FGD6: variants seen among roughly 807,000 people sequenced by gnomAD.
The protein encoded by FGD6 is FYVE, RhoGEF and PH domain-containing protein 6.
Under a neutral mutation model 149.4 loss-of-function variants are expected in FGD6, and 90 were observed. That is an observed-to-expected ratio of 0.60 (90% CI 0.51 to 0.72). FGD6 has a LOEUF of 0.72. Ranked by LOEUF, FGD6 falls within the 30% of genes least tolerant of loss-of-function variation. FGD6 has a pLI of 0.00. For missense variants in FGD6, 1,437 were observed against 1,684.8 expected (o/e 0.85, Z 2.57); for synonymous variants, 527 against 584.0 (o/e 0.90, Z 1.41).
Position 95,162,100 on chromosome 12 carries a change from CAAAA to C in FGD6, c.2587-9111_2587-9108del, listed in dbSNP as rs762218917. 5.4e-3 allele frequency among the ~76,000 whole-genome samples: 334 copies of C among 61,814 alleles called. 3 individuals carry two copies. Among genetic ancestry groups the C allele is most frequent in the African/African-American group, 0.018 (320 of 17,504 alleles). The allele number at this position is 61,814 out of a possible 152,430, so 40.6% of individuals were successfully genotyped here. A position where few individuals can be genotyped will look rare whatever the true frequency, so the allele number is the denominator to read the frequency against. ...ACAACATAGTGACACCTGAAAAATACAAAAAAAAAAAAAAAAAAAGCCAGGCATG... is the reference window on the plus strand; with the variant it reads ...ACAACATAGTGACACCTGAAAAATACAAAAAAAAAAAAAAAGCCAGGCATG... On this transcript the variant is annotated intron_variant, in intron 3 of 20. Transcript: ENST00000343958.
intron 3 of FGD6, among the ~76,000 whole-genome samples, chr12:95,159,934 G>A (rs905135580): frequency 6.6e-6 from 1 of 152,060 alleles, no homozygotes; most frequent in African/African-American, 2.4e-5. Context: ...TTGAGCCCAG[G>A]AGTTTGAGGC....
intron 8 of FGD6, among the ~76,000 whole-genome samples, chr12:95,121,306 C>T (rs959575058): frequency 4.0e-5 from 6 of 151,216 alleles, no homozygotes; most frequent in Admixed American, 3.3e-4. Context: ...CCGGGCATGG[C>T]GGCAGGCACC....
rs185950119 is a variant in FGD6, at chr12:95,203,081, C to G, written c.2441+5762G>C. On this transcript the variant is annotated intron_variant, in intron 2 of 20. Transcript: ENST00000343958. ...TAACCAAAGAGAGAGGTCTTCTAGA[C>G]TAGGTTTCCTGATTTACAATGAAAA... Among the ~76,000 whole-genome samples, 131 of 152,274 alleles carry G rather than the reference C, an allele frequency of 8.6e-4. 1 individual carries two copies. Among genetic ancestry groups the G allele is most frequent in the African/African-American group, 3.0e-3 (126 of 41,564 alleles).
chr12:95,198,859 T>TG (rs1322315078), intron 2 of FGD6, among the ~76,000 whole-genome samples: 1 of 152,184 alleles, frequency 6.6e-6, no homozygotes, highest in Non-Finnish European at 1.5e-5. Context: ...GGAGTCAGTT[T>TG]GGGGGAAGAA....
At position 95,088,770 on chromosome 12, in the gene FGD6, G is replaced by T. The variant is rs375260758; in HGVS notation, c.3978+799C>A. ...ATAACAAGAAACGAAGTATGGATACGTGCTGTAATTTCCATGAACCTCTAA... is the reference window on the plus strand; with the variant it reads ...ATAACAAGAAACGAAGTATGGATACTTGCTGTAATTTCCATGAACCTCTAA... On this transcript the variant is annotated intron_variant, in intron 18 of 20. Coordinates refer to ENST00000343958, the MANE Select transcript of FGD6 (RefSeq NM_018351.4). 4.6e-5 allele frequency among the ~76,000 whole-genome samples: 7 copies of T among 152,192 alleles called. No homozygotes were observed. The South Asian group carries it at 1.0e-3, about 23-fold the overall frequency.
intron 13 of FGD6, among the ~76,000 whole-genome samples, chr12:95,106,731 C>T (rs1261264041): frequency 1.3e-5 from 2 of 151,684 alleles, no homozygotes; most frequent in African/African-American, 4.8e-5. Context: ...CCGTCTCTAC[C>T]GAAAATACAA....
At position 95,086,939 on chromosome 12, in the gene FGD6, T is replaced by C. The variant is rs191155535; in HGVS notation, c.3979-1031A>G. Among the ~76,000 whole-genome samples, 118 of 147,296 alleles carry C rather than the reference T, an allele frequency of 8.0e-4. 1 individual carries two copies. Among genetic ancestry groups the C allele is most frequent in the African/African-American group, 2.6e-3 (104 of 39,838 alleles). On this transcript the variant is annotated intron_variant, in intron 18 of 20. Transcript: ENST00000343958. ...CTCAGCTCGCTGCAACCTCTGCCTC[T>C]TGGGTCCAAGCACTTCTCGTGCCCC... is the stretch of plus-strand genomic sequence containing the variant.
chr12:95,186,421 C>T (rs187152129), intron 2 of FGD6, among the ~76,000 whole-genome samples: 6 of 149,924 alleles, frequency 4.0e-5, no homozygotes, highest in Non-Finnish European at 7.4e-5. Context: ...TGATCTTGAA[C>T]TCCTGACCTT....
intron 8 of FGD6, among the ~76,000 whole-genome samples, chr12:95,130,320 C>G (rs1364393181): frequency 6.6e-6 from 1 of 152,154 alleles, no homozygotes; most frequent in African/African-American, 2.4e-5. Context: ...CACAAACCTA[C>G]TTACATTGAA....
At chr12:95,118,450 C>G (rs1351765102) in intron 8 of FGD6, among the ~76,000 whole-genome samples, 1 of 151,914 alleles carries the variant, frequency 6.6e-6, no homozygotes. Context: ...TCCCAGGGAG[C>G]CTTACCACCA....
At position 95,083,914 on chromosome 12, in the gene FGD6, A is replaced by G. The variant is rs77198029; in HGVS notation, c.4256+584T>C. Among the ~76,000 whole-genome samples, 979 of 152,346 alleles carry G rather than the reference A, an allele frequency of 6.4e-3. 11 individuals carry two copies. The highest frequency in any genetic ancestry group is 0.022 in the African/African-American group (924 of 41,576). On this transcript the variant is annotated intron_variant, in intron 20 of 20. Coordinates refer to ENST00000343958, the MANE Select transcript of FGD6 (RefSeq NM_018351.4). ...TTCACAGAGGTAGATACGCATCTCT[A>G]TGTTAAGCAAACTGATAACATCTAA...
intron 20 of FGD6, among the ~76,000 whole-genome samples, chr12:95,083,008 A>ATATATATATATAT (rs1338773595): frequency 2.8e-5 from 1 of 35,196 alleles, no homozygotes; most frequent in African/African-American, 1.2e-4. Flanking sequence ...AAAAAAAAAA[A>ATATATATATATAT]AAAAATATAT....
intron 3 of FGD6, among the ~76,000 whole-genome samples, chr12:95,161,408 A>C (rs1880638029): frequency 6.6e-6 from 1 of 152,154 alleles, no homozygotes; most frequent in African/African-American, 2.4e-5. Flanking sequence ...AGGCAGGAGA[A>C]TCACTAGAAC....
chr12:95,134,441 G>A (rs1312742364), intron 8 of FGD6, among the ~76,000 whole-genome samples: 1 of 152,124 alleles, frequency 6.6e-6, no homozygotes, highest in African/African-American at 2.4e-5. Flanking sequence ...TTAGCCAGGT[G>A]AAATGATGCA....
intron 2 of FGD6, among the ~76,000 whole-genome samples, chr12:95,186,231 T>C (rs1455980472): frequency 2.2e-4 from 1 of 4,478 alleles, no homozygotes; most frequent in Non-Finnish European, 3.6e-4. Flanking sequence ...TCTTCTTCTT[T>C]TTTTTTTTTT....
rs754637384 is a variant in FGD6, at chr12:95,106,935, A to AAAACAAAACG, written c.3417+18_3417+19insCGTTTTGTTT. The AAAACAAAACG allele has an allele frequency of 1.9e-4, 304 of 1,565,868 alleles. 6 individuals carry two copies. Among genetic ancestry groups the AAAACAAAACG allele is most frequent in the Admixed American group, 1.9e-4 (11 of 58,522 alleles). On this transcript the variant is annotated intron_variant, in intron 13 of 20. Coordinates refer to ENST00000343958, the MANE Select transcript of FGD6 (RefSeq NM_018351.4). ...AACAAAACAAAACAAAAAACAAAAC[A>AAAACAAAACG]TCTAACAGATGCACACACCTTCATT...
intron 2 of FGD6, among the ~76,000 whole-genome samples, chr12:95,183,357 C>T (rs141336159): frequency 5.3e-5 from 8 of 152,348 alleles, no homozygotes; most frequent in Non-Finnish European, 8.8e-5. Flanking sequence ...GCCTGCCTCC[C>T]GCAACCCCTA....
At chr12:95,110,557 T>C (rs1467722158) in intron 9 of FGD6, among the ~76,000 whole-genome samples, 1 of 151,578 alleles carries the variant, frequency 6.6e-6, no homozygotes, top group South Asian at 2.1e-4. Flanking sequence ...GGTTTCGCCA[T>C]GTTGGCAGGG....
intron 2 of FGD6, among the ~76,000 whole-genome samples, chr12:95,188,223 G>T (rs1462510828): frequency 1.3e-5 from 2 of 152,160 alleles, no homozygotes; most frequent in Admixed American, 1.3e-4. Flanking sequence ...AAGCCCAGTA[G>T]AATGCAATTT....
Sources: gnomAD v4.1 joint callset for allele counts (sites outside exome capture counted in the v4.1 genomes callset) on GRCh38, gnomAD v4.1.1 for gene constraint, MANE v1.5 for transcripts, NCBI Gene and HGNC (gene_info 2026-07-23, HGNC 2026-07-21) for gene names.